The following OR11H4 variants were observed in gnomAD, a reference collection of about 807,000 sequenced individuals.
The protein encoded by OR11H4 is olfactory receptor family 11 subfamily H member 4.
For missense variants in OR11H4, 460 were observed against 371.1 expected (o/e 1.24, Z -1.97); for synonymous variants, 162 against 142.3 (o/e 1.14, Z -0.98).
chr14:20,239,735 G>A (rs1214601914), intron 1 of OR11H4, among the ~76,000 whole-genome samples: 7 of 151,888 alleles, frequency 4.6e-5, no homozygotes, highest in Admixed American at 2.6e-4. Context: ...GGTCTCCTAG[G>A]ATTGTAGCTC....
chr14:20,243,207 C>A lies in OR11H4; in HGVS notation c.386C>A (p.Pro129Gln). ...AYDRYLAICH[P>Q]LQYPAIMTVR... is the part of the protein sequence containing the mutation. Reference sequence around the variant, plus strand: ...GATCGATACCTGGCCATCTGCCACCCACTGCAGTACCCTGCCATCATGACT... The same window carrying A: ...GATCGATACCTGGCCATCTGCCACCAACTGCAGTACCCTGCCATCATGACT... The change falls in exon 2 of 2, where the codon CCA (proline) becomes CAA (glutamine). Residue 129 changes from proline to glutamine, a missense_variant. Pro to Gln is a moderately conservative substitution (Grantham distance 76). Coordinates refer to ENST00000641082, the MANE Select transcript of OR11H4 (RefSeq NM_001004479.2). 6.2e-7 allele frequency: 1 copy of A among 1,614,066 alleles called. No individual in the cohort carries two copies. The highest frequency in any genetic ancestry group is 1.1e-5 in the South Asian group (1 of 91,078).
Position 20,239,326 on chromosome 14 carries a change from C to G in OR11H4, c.-17C>G, listed in dbSNP as rs1346990060. On this transcript the variant is annotated 5_prime_UTR_variant, in exon 1 of 2. Coordinates refer to ENST00000641082, the MANE Select transcript of OR11H4 (RefSeq NM_001004479.2). ...AAGGCTATTAAATCAAGCTATCACACTTATGGTAGGTGGACTGGTGGGTTG... is the reference window on the plus strand; with the variant it reads ...AAGGCTATTAAATCAAGCTATCACAGTTATGGTAGGTGGACTGGTGGGTTG... 2 of 152,130 alleles carry G rather than the reference C, an allele frequency of 1.3e-5. No individual in the cohort carries two copies. The highest frequency in any genetic ancestry group is 1.5e-5 in the Non-Finnish European group (1 of 68,080). The allele number at this position is 152,130 out of a possible 1,614,324, so 9.4% of individuals were successfully genotyped here.
intron 1 of OR11H4, among the ~76,000 whole-genome samples, chr14:20,241,451 A>C (rs1214820401): frequency 1.3e-5 from 2 of 152,158 alleles, no homozygotes; most frequent in African/African-American, 4.8e-5. Flanking sequence ...TGTGCTAGAA[A>C]ACCCATAATC....
rs770146926 is a variant in OR11H4, at chr14:20,243,233, G to C, written c.412G>C (p.Val138Leu). The change falls in exon 2 of 2, where the codon GTA becomes CTA. Residue 138 changes from valine (V) to leucine (L), a missense_variant. By Grantham distance (32) the Val-to-Leu change is conservative (BLOSUM62 1). Coordinates refer to ENST00000641082, the MANE Select transcript of OR11H4 (RefSeq NM_001004479.2). ...HPLQYPAIMT[V>L]RFCGKLVSFC... Reference sequence around the variant, plus strand: ...ACTGCAGTACCCTGCCATCATGACTGTAAGGTTCTGTGGTAAGCTGGTGTC... The same window carrying C: ...ACTGCAGTACCCTGCCATCATGACTCTAAGGTTCTGTGGTAAGCTGGTGTC... 1 of 1,614,156 alleles carries C rather than the reference G, an allele frequency of 6.2e-7. No individual in the cohort carries two copies. The highest frequency in any genetic ancestry group is 1.1e-5 in the South Asian group (1 of 91,082).
chr14:20,242,727 C>G, intron 1 of OR11H4, 84 bp from the exon 2 acceptor site: 1 of 1,493,456 alleles, frequency 6.7e-7, no homozygotes, highest in Non-Finnish European at 9.1e-7. Context: ...GTTCTCGTCT[C>G]AGTAAAATCC....
Position 20,241,280 on chromosome 14 carries a change from C to T in OR11H4, c.-11-1531C>T, listed in dbSNP as rs76980461. ...AAACATAAAAATAAACACTGCCGTTCGTTAGAGATGTTTTTAAAATATTAT... is the reference window on the plus strand; with the variant it reads ...AAACATAAAAATAAACACTGCCGTTTGTTAGAGATGTTTTTAAAATATTAT... On this transcript the variant is annotated intron_variant, in intron 1 of 1. Transcript: ENST00000641082. Among the ~76,000 whole-genome samples the T allele has an allele frequency of 4.4e-3, 664 of 152,232 alleles. 6 individuals carry two copies. Among genetic ancestry groups the T allele is most frequent in the African/African-American group, 0.015 (624 of 41,544 alleles).
At chr14:20,241,969 C>A (rs1594242890) in intron 1 of OR11H4, among the ~76,000 whole-genome samples, 1 of 152,132 alleles carries the variant, frequency 6.6e-6, no homozygotes, top group East Asian at 1.9e-4. Context: ...TGTCTCGCTT[C>A]CCACCATAGG....
chr14:20,242,100 TC>T (rs1880943278), intron 1 of OR11H4, among the ~76,000 whole-genome samples: 1 of 152,016 alleles, frequency 6.6e-6, no homozygotes, highest in African/African-American at 2.4e-5. Flanking sequence ...CAAGAGGCTT[TC>T]CTCTTTTACT....
Position 20,243,811 on chromosome 14 carries a change from C to A in OR11H4, c.*45C>A. ...TACAAGTTCTAACGAAGAACAAGGT[C>A]GAGATGTTGTCAGTTCTTTAGCAGT... On this transcript the variant is annotated 3_prime_UTR_variant, in exon 2 of 2. Coordinates refer to ENST00000641082, the MANE Select transcript of OR11H4 (RefSeq NM_001004479.2). 4 of 1,524,650 alleles carry A rather than the reference C, an allele frequency of 2.6e-6. No homozygotes were observed. The South Asian group carries it at 5.3e-5, about 20-fold the overall frequency. 94.4% of individuals were successfully genotyped at this position (1,524,650 alleles called of 1,614,324 possible).
rs1422936547 is a variant in OR11H4 at position 20,244,314 on chromosome 14, A to G, written c.*548A>G. ...ACCAATTTTCCTATCTGCTCCTCAG[A>G]GTCAATACATCTAAATCCCTCTGTC... On this transcript the variant is annotated 3_prime_UTR_variant, in exon 2 of 2. Coordinates refer to ENST00000641082, the MANE Select transcript of OR11H4 (RefSeq NM_001004479.2). The G allele has an allele frequency of 6.6e-6, 1 of 152,286 alleles. No homozygotes were observed. Among genetic ancestry groups the G allele is most frequent in the East Asian group, 1.9e-4 (1 of 5,192 alleles). 9.4% of individuals were successfully genotyped at this position (152,286 alleles called of 1,614,324 possible).
In OR11H4 at chr14:20,243,861, T is replaced by A; in HGVS notation, c.*95T>A. 7.8e-7 allele frequency: 1 copy of A among 1,276,318 alleles called. No individual in the cohort carries two copies. The highest frequency in any genetic ancestry group is 1.1e-6 in the Non-Finnish European group (1 of 937,632). 79.1% of individuals were successfully genotyped at this position (1,276,318 alleles called of 1,614,324 possible). On this transcript the variant is annotated 3_prime_UTR_variant, in exon 2 of 2. Transcript: ENST00000641082. Reference sequence around the variant, plus strand: ...TCTTTCAGTCCTCAGTCTGAGTAGTTAGAGGTTGTATATTTTACCTGGAAG... The same window carrying A: ...TCTTTCAGTCCTCAGTCTGAGTAGTAAGAGGTTGTATATTTTACCTGGAAG...
chr14:20,241,853 A>T (rs1432375351), intron 1 of OR11H4, among the ~76,000 whole-genome samples: 1 of 152,140 alleles, frequency 6.6e-6, no homozygotes, highest in Non-Finnish European at 1.5e-5. Context: ...AATTAAGTTC[A>T]AGGGAAGGTA....
chr14:20,239,684 A>G (rs563254626), intron 1 of OR11H4, among the ~76,000 whole-genome samples: 127 of 151,974 alleles, frequency 8.4e-4, no homozygotes, highest in African/African-American at 3.0e-3. Context: ...ACAGAGCGAG[A>G]CTGTCTCAGA....
At chr14:20,239,452 T>C (rs1566369740) in intron 1 of OR11H4, 121 bp downstream of exon 1, 1 of 152,586 alleles carries the variant, frequency 6.6e-6, no homozygotes, top group East Asian at 1.9e-4. Flanking sequence ...CCCACCACTT[T>C]GGGAGGCCGA....
In OR11H4 at chr14:20,242,432, G is replaced by A. The variant is rs550235262; in HGVS notation, c.-11-379G>A. 7.9e-5 allele frequency among the ~76,000 whole-genome samples: 12 copies of A among 152,168 alleles called. No homozygotes were observed. The South Asian group carries it at 2.5e-3, about 32-fold the overall frequency. ...GTGAGCTCCAGGTTGGGTCAAAGTG[G>A]CTGGGGCAAAGTGGCTGGGGCAAAG... On this transcript the variant is annotated intron_variant, in intron 1 of 1. Transcript: ENST00000641082.
In OR11H4 at chr14:20,243,987, A is replaced by G; in HGVS notation, c.*221A>G. On this transcript the variant is annotated 3_prime_UTR_variant, in exon 2 of 2. Transcript: ENST00000641082. ...GTTTTCAAAGCCTGTCTTTATTAGA[A>G]TGATAAAATGGAATTTCTACATGAG... 2.5e-6 allele frequency: 1 copy of G among 403,314 alleles called. No homozygotes were observed. The highest frequency in any genetic ancestry group is 7.0e-5 in the South Asian group (1 of 14,238). 25.0% of individuals were successfully genotyped at this position (403,314 alleles called of 1,614,324 possible).
chr14:20,241,315 G>GT (rs1331281360), intron 1 of OR11H4, among the ~76,000 whole-genome samples: 1 of 152,120 alleles, frequency 6.6e-6, no homozygotes, highest in Non-Finnish European at 1.5e-5. Context: ...TCATGGAGTT[G>GT]TATCTCCATG....
chr14:20,244,150 A>G lies in OR11H4; in HGVS notation c.*384A>G, dbSNP rs113576777. On this transcript the variant is annotated 3_prime_UTR_variant, in exon 2 of 2. Coordinates refer to ENST00000641082, the MANE Select transcript of OR11H4 (RefSeq NM_001004479.2). ...GTCTGATGGGAATCAATAGTGGCAC[A>G]ATACCCAGCAAACGGTAAGGCCTCA... The G allele has an allele frequency of 4.0e-3, 649 of 161,674 alleles. 8 individuals are homozygous for G. Among genetic ancestry groups the G allele is most frequent in the African/African-American group, 0.015 (621 of 41,944 alleles). The allele number at this position is 161,674 out of a possible 1,614,324, so 10.0% of individuals were successfully genotyped here. A position where few individuals can be genotyped will look rare whatever the true frequency, so the allele number is the denominator to read the frequency against.
At chr14:20,240,258 T>C (rs1160693562) in intron 1 of OR11H4, among the ~76,000 whole-genome samples, 1 of 152,164 alleles carries the variant, frequency 6.6e-6, no homozygotes, top group Admixed American at 6.6e-5. Context: ...AATCTGGAAA[T>C]CACCTATTGA....
Sources: gnomAD v4.1 joint callset for allele counts (sites outside exome capture counted in the v4.1 genomes callset) on GRCh38, gnomAD v4.1.1 for gene constraint, MANE v1.5 for transcripts, NCBI Gene and HGNC (gene_info 2026-07-23, HGNC 2026-07-21) for gene names.